Variants in USH2A observed in about 807,000 individuals in gnomAD.
USH2A encodes usherin.
A neutral mutation model predicts 538.9 loss-of-function variants in USH2A; 443 were observed. The ratio of observed to expected loss-of-function variants is 0.82; its 90% CI spans 0.76 to 0.89. The LOEUF is 0.89. Among genes scored for constraint, USH2A ranks in the 40% least tolerant of loss-of-function variants. USH2A has a pLI of 0.00. For missense variants in USH2A, 6,633 were observed against 6,324.8 expected (o/e 1.05, Z -1.65); for synonymous variants, 2,413 against 2,273.5 (o/e 1.06, Z -1.75).
chr1:216,362,948 AT>A (rs201120368), intron 4 of USH2A, among the ~76,000 whole-genome samples: 5,077 of 149,236 alleles, frequency 0.034, 277 homozygotes, highest in African/African-American at 0.12. Context: ...TCAAAAAAAA[AT>A]AATAATAAAA....
chr1:215,654,974 A>G (rs934462804), intron 64 of USH2A, among the ~76,000 whole-genome samples: 3 of 152,258 alleles, frequency 2.0e-5, no homozygotes, highest in Non-Finnish European at 4.4e-5. Flanking sequence ...CTGTGAAAAC[A>G]ATGAATTTAA....
chr1:215,908,556 C>T (rs1665697535), intron 38 of USH2A, among the ~76,000 whole-genome samples: 1 of 151,836 alleles, frequency 6.6e-6, no homozygotes, highest in South Asian at 2.1e-4. Context: ...CCAGAGATAG[C>T]CATGGTAAAA....
intron 61 of USH2A, among the ~76,000 whole-genome samples, chr1:215,697,712 C>T (rs1035799901): frequency 7.2e-5 from 11 of 151,904 alleles, no homozygotes; most frequent in African/African-American, 2.2e-4. Flanking sequence ...GTAGAGATGG[C>T]GTTTCTCCAT....
At chr1:215,693,092 ATG>A (rs60566275) in intron 61 of USH2A, among the ~76,000 whole-genome samples, 5 of 131,680 alleles carry the variant, frequency 3.8e-5, no homozygotes, top group Admixed American at 8.0e-5. Context: ...ATATATATAT[ATG>A]TGTGTGTGTG....
At chr1:216,200,973 A>C (rs1278374788) in intron 16 of USH2A, among the ~76,000 whole-genome samples, 164 of 12,728 alleles carry the variant, frequency 0.013, 1 homozygote, top group Middle Eastern at 0.036. Flanking sequence ...CCCTCCCCCC[A>C]TCCATCCCTC....
chr1:216,285,683 G>A (rs2036869121), intron 11 of USH2A, among the ~76,000 whole-genome samples: 1 of 152,198 alleles, frequency 6.6e-6, no homozygotes, highest in Non-Finnish European at 1.5e-5. Context: ...GACACTCAAT[G>A]CCAGCCTGTG....
intron 15 of USH2A, among the ~76,000 whole-genome samples, chr1:216,211,259 T>C (rs1320897380): frequency 1.3e-5 from 2 of 152,164 alleles, no homozygotes; most frequent in African/African-American, 4.8e-5. Context: ...CCCCAATTTA[T>C]AGCCAGTGGG....
At chr1:215,719,368 A>AG (rs1318948239) in intron 61 of USH2A, among the ~76,000 whole-genome samples, 2 of 151,222 alleles carry the variant, frequency 1.3e-5, no homozygotes, top group South Asian at 2.1e-4. Flanking sequence ...GAGACAAAAA[A>AG]AAAAAAAAAA....
At chr1:215,986,792 T>C (rs1242259868) in intron 35 of USH2A, among the ~76,000 whole-genome samples, 1 of 152,198 alleles carries the variant, frequency 6.6e-6, no homozygotes, top group African/African-American at 2.4e-5. Context: ...ACTATTACAA[T>C]TTTGGTATTG....
intron 9 of USH2A, among the ~76,000 whole-genome samples, chr1:216,304,781 T>A (rs2037282343): frequency 1.3e-5 from 2 of 152,080 alleles, no homozygotes; most frequent in South Asian, 4.1e-4. Context: ...GACCCAAGAA[T>A]CATTGAGAAG....
intron 41 of USH2A, 130 bp downstream of exon 41, chr1:215,888,296 C>T: frequency 1.4e-6 from 2 of 1,429,266 alleles, no homozygotes; most frequent in South Asian, 2.4e-5. Flanking sequence ...AGGCCAAAAC[C>T]CAGTTTCTCC....
At chr1:215,689,506 G>A (rs149072324) in intron 61 of USH2A, among the ~76,000 whole-genome samples, 1 of 152,222 alleles carries the variant, frequency 6.6e-6, no homozygotes, top group African/African-American at 2.4e-5. Context: ...CCCCCTGAGT[G>A]CAGTCAGGGC....
In USH2A at chr1:216,000,496, C is replaced by G; in HGVS notation, c.6392G>C (p.Ser2131Thr). 6.2e-7 allele frequency: 1 copy of G among 1,613,680 alleles called. No homozygotes were observed. The highest frequency in any genetic ancestry group is 8.5e-7 in the Non-Finnish European group (1 of 1,179,730). Residue 2131 changes from serine to threonine, a missense_variant, in exon 33 of 72, where the codon AGT (serine) becomes ACT (threonine). Ser to Thr is a moderately conservative substitution (Grantham distance 58). Coordinates refer to ENST00000307340, the MANE Select transcript of USH2A (RefSeq NM_206933.4). Reference protein sequence around the residue: ...SACTHVGCTNSSWVLLYTAQL... With the variant: ...SACTHVGCTNTSWVLLYTAQL... ...TGCTGTGTACAGTAGGACCCAGGAA[C>G]TGTTTGTACAGCCCACATGTGTGCA...
chr1:216,325,538 A>C lies in USH2A; in HGVS notation c.910T>G (p.Cys304Gly). 6.2e-7 allele frequency: 1 copy of C among 1,613,570 alleles called. No individual in the cohort carries two copies. The highest frequency in any genetic ancestry group is 8.5e-7 in the Non-Finnish European group (1 of 1,179,730). The change falls in exon 6 of 72, where the codon TGC becomes GGC. Residue 304 changes from cysteine to glycine, a missense_variant. Coordinates refer to ENST00000307340, the MANE Select transcript of USH2A (RefSeq NM_206933.4). ...LRLHAQSHCRCPGSHPRVHPL... is the reference protein window; with the variant it reads ...LRLHAQSHCRGPGSHPRVHPL... ...TGGACCCGCGGGTGGCTGCCAGGGCAACGGCAATGTGATTGGGCATGCAAT... is the reference window on the plus strand; with the variant it reads ...TGGACCCGCGGGTGGCTGCCAGGGCCACGGCAATGTGATTGGGCATGCAAT...
chr1:216,213,412 A>G (rs921441005), intron 15 of USH2A, among the ~76,000 whole-genome samples: 5 of 152,026 alleles, frequency 3.3e-5, no homozygotes, highest in African/African-American at 1.2e-4. Flanking sequence ...TTCATTATTG[A>G]ATATGATGTT....
chr1:215,666,871 C>G (rs1298395327), intron 64 of USH2A, among the ~76,000 whole-genome samples: 1 of 152,066 alleles, frequency 6.6e-6, no homozygotes, highest in Non-Finnish European at 1.5e-5. Context: ...GCGGGTGGAT[C>G]ATGAGGTCAG....
Position 215,900,820 on chromosome 1 carries a change from G to A in USH2A, c.7386C>T (p.Asn2462=), listed in dbSNP as rs149272066. Residue 2462 remains asparagine (N), a synonymous_variant, in exon 39 of 72, where the codon AAC becomes AAT. Coordinates refer to ENST00000307340, the MANE Select transcript of USH2A (RefSeq NM_206933.4). ...QVVWSTPARN[N]APGSPRYQLQ... is the part of the protein sequence containing the mutation. ...GTTGGTATCTGGGAGAGCCAGGAGC[G>A]TTATTACGAGCTGGTGTAGACCAGA... 9.3e-6 allele frequency: 15 copies of A among 1,613,706 alleles called. No individual in the cohort carries two copies. Among genetic ancestry groups the A allele is most frequent in the Middle Eastern group, 1.6e-4 (1 of 6,062 alleles).
At chr1:215,774,111 A>G (rs753175046) in intron 55 of USH2A, among the ~76,000 whole-genome samples, 9 of 152,128 alleles carry the variant, frequency 5.9e-5, no homozygotes, top group Non-Finnish European at 1.2e-4. Flanking sequence ...TTCATGCTTT[A>G]TGAATTCAGT....
chr1:215,725,977 G>T (rs1659804393), intron 61 of USH2A, among the ~76,000 whole-genome samples: 2 of 152,154 alleles, frequency 1.3e-5, no homozygotes, highest in African/African-American at 4.8e-5. Flanking sequence ...ATTCCACAAG[G>T]GAATTCCAAT....
Sources: gnomAD v4.1 joint callset for allele counts (sites outside exome capture counted in the v4.1 genomes callset) on GRCh38, gnomAD v4.1.1 for gene constraint, MANE v1.5 for transcripts, NCBI Gene and HGNC (gene_info 2026-07-23, HGNC 2026-07-21) for gene names.